The following ARHGAP24 variants were observed in gnomAD, a reference collection of about 807,000 sequenced individuals.
ARHGAP24 encodes the protein rho GTPase-activating protein 24.
ARHGAP24 carries 50 observed loss-of-function variants against 76.4 expected under a neutral mutation model. The ratio of observed to expected loss-of-function variants is 0.65; its 90% CI spans 0.52 to 0.83. ARHGAP24 has a LOEUF of 0.83. Ranked by LOEUF, ARHGAP24 falls within the 40% of genes least tolerant of loss-of-function variation. The pLI, the probability that ARHGAP24 is intolerant of heterozygous loss-of-function variation, is 0.00. For missense variants in ARHGAP24, 930 were observed against 914.2 expected, an observed-to-expected ratio of 1.02 and a Z score of -0.22; for synonymous variants, 345 against 323.3, an observed-to-expected ratio of 1.07 and a Z score of -0.72.
chr4:85,559,995 G>A (rs1548108), intron 1 of ARHGAP24, among the ~76,000 whole-genome samples: 128,858 of 151,948 alleles, frequency 0.85, 56,156 homozygotes, highest in East Asian at 0.98. Flanking sequence ...TATATGATTG[G>A]TTGGTTGTGA....
intron 2 of ARHGAP24, among the ~76,000 whole-genome samples, chr4:85,659,429 T>A (rs1722299220): frequency 6.6e-6 from 1 of 152,216 alleles, no homozygotes; most frequent in South Asian, 2.1e-4. Flanking sequence ...TTTAAATAAT[T>A]CCTTTAGAAA....
intron 8 of ARHGAP24, chr4:85,990,717 T>TA: frequency 6.6e-6 from 1 of 151,876 alleles, no homozygotes; most frequent in East Asian, 1.9e-4. Context: ...TTCATAGCCC[T>TA]AAAAAATATA....
rs1254923099 is a variant in ARHGAP24, at chr4:86,002,487, T to A, written c.*1765T>A. 1.3e-5 allele frequency: 2 copies of A among 152,196 alleles called. No homozygotes were observed. Among genetic ancestry groups the A allele is most frequent in the East Asian group, 3.8e-4 (2 of 5,200 alleles). 9.4% of individuals were successfully genotyped at this position (152,196 alleles called of 1,614,324 possible). ...TCTTTTCACCTATTTCCAGTCCTTA[T>A]CATAGTTGATAAAAACCTCAGACTC... is the stretch of plus-strand genomic sequence containing the variant. On this transcript the variant is annotated 3_prime_UTR_variant, in exon 10 of 10. Transcript: ENST00000395184.
At chr4:85,934,309 C>T (rs1260902077) in intron 4 of ARHGAP24, among the ~76,000 whole-genome samples, 1 of 152,144 alleles carries the variant, frequency 6.6e-6, no homozygotes, top group Non-Finnish European at 1.5e-5. Context: ...CAGACTATTT[C>T]ATCCTTTCTC....
intron 3 of ARHGAP24, among the ~76,000 whole-genome samples, chr4:85,738,188 A>T (rs1405010394): frequency 2.0e-5 from 3 of 151,960 alleles, no homozygotes; most frequent in Non-Finnish European, 4.4e-5. Context: ...CCCAGAGTAC[A>T]TCTATCTTTT....
intron 5 of ARHGAP24, among the ~76,000 whole-genome samples, chr4:85,953,081 T>G (rs10015649): frequency 0.012 from 1,900 of 152,270 alleles, 33 homozygotes; most frequent in African/African-American, 0.043. Context: ...AGAATGGCAG[T>G]GTGGTCACCA....
Position 85,509,174 on chromosome 4 carries a change from A to G in ARHGAP24, c.-21+33615A>G, listed in dbSNP as rs527875401. ...AACACATGAACACAGGAAGGGGAAC[A>G]TCACACTCTGGGGACTGTTGTGGGG... is the stretch of plus-strand genomic sequence containing the variant. On this transcript the variant is annotated intron_variant, in intron 1 of 9. Coordinates refer to ENST00000395184, the MANE Select transcript of ARHGAP24 (RefSeq NM_001025616.3). Among the ~76,000 whole-genome samples, 40 of 125,546 alleles carry G rather than the reference A, an allele frequency of 3.2e-4. No homozygotes were observed. The South Asian group carries it at 1.0e-2, about 31-fold the overall frequency. 82.4% of individuals were successfully genotyped at this position (125,546 alleles called of 152,430 possible).
At position 85,696,688 on chromosome 4, in the gene ARHGAP24, C is replaced by T. The variant is rs151007144; in HGVS notation, c.181-25197C>T. Among the ~76,000 whole-genome samples, 625 of 152,312 alleles carry T rather than the reference C, an allele frequency of 4.1e-3. 5 individuals carry two copies. Among genetic ancestry groups the T allele is most frequent in the Non-Finnish European group, 6.3e-3 (426 of 68,032 alleles). On this transcript the variant is annotated intron_variant, in intron 2 of 9. Coordinates refer to ENST00000395184, the MANE Select transcript of ARHGAP24 (RefSeq NM_001025616.3). ...TGCTGAAGTTGTCTCACAGACATAA[C>T]ATTCTTTCAACCTAACTCACAACTG...
chr4:85,627,958 T>C (rs972392139), intron 2 of ARHGAP24, among the ~76,000 whole-genome samples: 1 of 152,160 alleles, frequency 6.6e-6, no homozygotes, highest in East Asian at 1.9e-4. Flanking sequence ...TGACCCGATT[T>C]TCCAGGTGCC....
At chr4:85,606,374 G>A (rs71599419) in intron 2 of ARHGAP24, among the ~76,000 whole-genome samples, 32,469 of 151,958 alleles carry the variant, frequency 0.21, 4,696 homozygotes, top group Non-Finnish European at 0.31. Context: ...TTGACTGGGC[G>A]TGGTTGCGGG....
intron 3 of ARHGAP24, among the ~76,000 whole-genome samples, chr4:85,774,739 G>A (rs1727249629): frequency 6.6e-6 from 1 of 152,126 alleles, no homozygotes; most frequent in African/African-American, 2.4e-5. Context: ...CTCATTTCCT[G>A]TCATTCCTAG....
intron 3 of ARHGAP24, among the ~76,000 whole-genome samples, chr4:85,781,794 G>A (rs1727567679): frequency 6.6e-6 from 1 of 152,078 alleles, no homozygotes; most frequent in Admixed American, 6.6e-5. Context: ...AGCACTTTGG[G>A]AGGCCAAGGC....
chr4:85,790,043 A>T (rs1728046957), intron 3 of ARHGAP24, among the ~76,000 whole-genome samples: 2 of 152,170 alleles, frequency 1.3e-5, no homozygotes, highest in African/African-American at 4.8e-5. Flanking sequence ...AAATCACTTG[A>T]AGAACTTAAA....
At chr4:85,888,689 T>TG (rs1733711246) in intron 3 of ARHGAP24, among the ~76,000 whole-genome samples, 2 of 152,096 alleles carry the variant, frequency 1.3e-5, no homozygotes, top group African/African-American at 4.8e-5. Context: ...ACTTGTGTCA[T>TG]GGGGGGTTGT....
At chr4:85,538,734 A>C (rs919613186) in intron 1 of ARHGAP24, among the ~76,000 whole-genome samples, 7 of 152,210 alleles carry the variant, frequency 4.6e-5, no homozygotes, top group African/African-American at 1.4e-4. Flanking sequence ...TGACATAACA[A>C]AGACTTTTGA....
intron 3 of ARHGAP24, among the ~76,000 whole-genome samples, chr4:85,894,258 T>G (rs1345643802): frequency 6.6e-6 from 1 of 152,104 alleles, no homozygotes; most frequent in Admixed American, 6.6e-5. Context: ...TTAGGAACCT[T>G]CACACCAGGG....
rs112682738 is a variant in ARHGAP24 at position 85,532,063 on chromosome 4, A to C, written c.-20-38459A>C. ...AATATAAAGCAAAGCACAAATGTTT[A>C]TCAAGTTTTAGCAGCAACTCAGTCA... On this transcript the variant is annotated intron_variant, in intron 1 of 9. Transcript: ENST00000395184. 9.7e-3 allele frequency among the ~76,000 whole-genome samples: 1,468 copies of C among 151,888 alleles called. 13 individuals are homozygous for C. The highest frequency in any genetic ancestry group is 0.019 in the East Asian group (95 of 5,064).
At chr4:85,478,047 AG>A (rs1343669683) in intron 1 of ARHGAP24, among the ~76,000 whole-genome samples, 12 of 152,206 alleles carry the variant, frequency 7.9e-5, no homozygotes, top group Non-Finnish European at 1.0e-4. Context: ...GAAGGTAGGT[AG>A]AGTCTCAGTC....
intron 2 of ARHGAP24, among the ~76,000 whole-genome samples, chr4:85,682,115 G>A (rs1310075105): frequency 6.6e-6 from 1 of 152,128 alleles, no homozygotes; most frequent in African/African-American, 2.4e-5. Context: ...CGCTAAAGGA[G>A]GATCCCTTTC....
Sources: gnomAD v4.1 joint callset for allele counts (sites outside exome capture counted in the v4.1 genomes callset) on GRCh38, gnomAD v4.1.1 for gene constraint, MANE v1.5 for transcripts, NCBI Gene and HGNC (gene_info 2026-07-23, HGNC 2026-07-21) for gene names.